The following EYS variants were observed in gnomAD, a reference collection of about 807,000 sequenced individuals.
EYS encodes the protein protein eyes shut homolog.
A neutral mutation model predicts 282.1 loss-of-function variants in EYS; 250 were observed. That is an observed-to-expected ratio of 0.89 (90% CI 0.80 to 0.98). The LOEUF is 0.98. EYS is among the 50% of genes least tolerant of loss of function. EYS has a pLI of 0.00. For missense variants in EYS, 4,016 were observed against 3,709.0 expected, an observed-to-expected ratio of 1.08 and a Z score of -2.15; for synonymous variants, 1,355 against 1,282.9, an observed-to-expected ratio of 1.06 and a Z score of -1.20.
At chr6:64,577,982 T>A (rs76557426) in intron 26 of EYS, among the ~76,000 whole-genome samples, 1 of 152,038 alleles carries the variant, frequency 6.6e-6, no homozygotes, top group East Asian at 1.9e-4. Context: ...TTACATTGAC[T>A]CAACCTTCAA....
intron 12 of EYS, among the ~76,000 whole-genome samples, chr6:65,211,091 C>A (rs928753708): frequency 4.6e-5 from 7 of 151,754 alleles, no homozygotes; most frequent in Non-Finnish European, 5.9e-5. Context: ...CGAGTATTAG[C>A]GATATTAAAT....
chr6:63,917,880 G>A (rs1297857933), intron 35 of EYS, among the ~76,000 whole-genome samples: 3 of 152,102 alleles, frequency 2.0e-5, no homozygotes, highest in African/African-American at 2.4e-5. Flanking sequence ...TCCTATTGCC[G>A]GCTCCAAAGC....
At chr6:64,265,699 G>A (rs370402261) in intron 30 of EYS, among the ~76,000 whole-genome samples, 4 of 152,114 alleles carry the variant, frequency 2.6e-5, no homozygotes, top group African/African-American at 9.7e-5. Context: ...ATTACCAATT[G>A]TGACTTTTGG....
At chr6:65,598,885 T>C (rs1765510907) in intron 2 of EYS, among the ~76,000 whole-genome samples, 1 of 152,034 alleles carries the variant, frequency 6.6e-6, no homozygotes, top group Non-Finnish European at 1.5e-5. Flanking sequence ...TCAAAGGGAG[T>C]AGTAATAGTA....
At chr6:64,967,577 C>T (rs1047633110) in intron 14 of EYS, among the ~76,000 whole-genome samples, 4 of 152,136 alleles carry the variant, frequency 2.6e-5, no homozygotes, top group African/African-American at 9.7e-5. Flanking sequence ...CTCGGCCTCC[C>T]AAAGTGCTGG....
intron 35 of EYS, among the ~76,000 whole-genome samples, chr6:63,926,354 C>A (rs888356562): frequency 2.0e-5 from 3 of 152,140 alleles, no homozygotes; most frequent in African/African-American, 7.2e-5. Context: ...GCAGGAAGGG[C>A]CCTTAGCATT....
chr6:65,575,466 T>C (rs1173948989), intron 2 of EYS, among the ~76,000 whole-genome samples: 1 of 151,638 alleles, frequency 6.6e-6, no homozygotes, highest in African/African-American at 2.4e-5. Context: ...GGAAGTTTAG[T>C]AATAAATGTC....
chr6:65,678,358 G>T (rs927154628), intron 1 of EYS, among the ~76,000 whole-genome samples: 1 of 152,002 alleles, frequency 6.6e-6, no homozygotes, highest in Non-Finnish European at 1.5e-5. Context: ...TCAATAAAAG[G>T]TGTTGGGAAA....
chr6:64,610,592 C>T (rs1025064173), intron 24 of EYS, among the ~76,000 whole-genome samples: 3 of 151,612 alleles, frequency 2.0e-5, no homozygotes, highest in Admixed American at 6.6e-5. Flanking sequence ...TTAGTAGAAA[C>T]GGGGTTTCAC....
At chr6:64,744,038 A>G (rs1310947907) in intron 22 of EYS, among the ~76,000 whole-genome samples, 1 of 152,168 alleles carries the variant, frequency 6.6e-6, no homozygotes, top group Non-Finnish European at 1.5e-5. Flanking sequence ...ATGTCTTTAC[A>G]TGACATTAAA....
At chr6:64,484,842 A>G (rs1776536292) in intron 26 of EYS, among the ~76,000 whole-genome samples, 1 of 151,590 alleles carries the variant, frequency 6.6e-6, no homozygotes, top group African/African-American at 2.4e-5. Context: ...GGTAAGAAAT[A>G]CAACACATCT....
At chr6:65,121,696 A>G (rs1775555978) in intron 12 of EYS, among the ~76,000 whole-genome samples, 1 of 152,200 alleles carries the variant, frequency 6.6e-6, no homozygotes, top group African/African-American at 2.4e-5. Flanking sequence ...CATGTTTCTT[A>G]GAACATTTTC....
chr6:63,765,309 G>A (rs1292225447), intron 40 of EYS, among the ~76,000 whole-genome samples: 4 of 151,762 alleles, frequency 2.6e-5, no homozygotes, highest in Non-Finnish European at 4.4e-5. Context: ...TAATAAAATG[G>A]GACAAGTTCT....
At chr6:63,933,248 T>C (rs1466628960) in intron 35 of EYS, among the ~76,000 whole-genome samples, 1 of 152,192 alleles carries the variant, frequency 6.6e-6, no homozygotes, top group African/African-American at 2.4e-5. Context: ...GTTTTATTTT[T>C]TTGAGACAAA....
intron 12 of EYS, among the ~76,000 whole-genome samples, chr6:65,167,525 C>A (rs1199191423): frequency 6.6e-6 from 1 of 151,054 alleles, no homozygotes; most frequent in Non-Finnish European, 1.5e-5. Flanking sequence ...TGGTTTTCTG[C>A]AATTTTGCTA....
At chr6:64,555,812 C>T (rs1765216671) in intron 26 of EYS, among the ~76,000 whole-genome samples, 2 of 151,710 alleles carry the variant, frequency 1.3e-5, no homozygotes, top group African/African-American at 4.8e-5. Context: ...ATATGTACAC[C>T]TATTATATCA....
intron 12 of EYS, among the ~76,000 whole-genome samples, chr6:65,263,709 G>GTGTA (rs1767678076): frequency 6.6e-6 from 1 of 150,606 alleles, no homozygotes; most frequent in Admixed American, 6.6e-5. Flanking sequence ...AAAGCTGTGT[G>GTGTA]TGTGTGTGTG....
At chr6:64,780,325 T>C (rs1048389596) in intron 22 of EYS, among the ~76,000 whole-genome samples, 6 of 152,116 alleles carry the variant, frequency 3.9e-5, no homozygotes, top group Non-Finnish European at 8.8e-5. Context: ...GAAAAGAAAA[T>C]GGTAGATGGG....
At chr6:65,659,627 T>C (rs984095973) in intron 1 of EYS, among the ~76,000 whole-genome samples, 2 of 151,834 alleles carry the variant, frequency 1.3e-5, no homozygotes, top group Admixed American at 6.6e-5. Flanking sequence ...TACTGACTTA[T>C]AGGAGATAAT....
Sources: allele counts gnomAD v4.1 joint callset (sites outside exome capture counted in the v4.1 genomes callset), GRCh38; gene constraint gnomAD v4.1.1; transcripts MANE v1.5; gene names NCBI Gene and HGNC (gene_info 2026-07-23, HGNC 2026-07-21).